The following NACC2 variants were observed in gnomAD, a reference collection of about 807,000 sequenced individuals.
NACC2 encodes the protein NACC family member 2.
A neutral mutation model predicts 25.1 loss-of-function variants in NACC2; 8 were observed. The ratio of observed to expected loss-of-function variants is 0.32; its 90% confidence interval spans 0.19 to 0.57. The LOEUF (loss-of-function observed/expected upper bound fraction) is 0.57. Among genes scored for constraint, NACC2 ranks in the 20% least tolerant of loss-of-function variants. NACC2 has a pLI of 0.89. For missense variants in NACC2, 644 were observed against 650.2 expected (o/e 0.99, Z 0.10); for synonymous variants, 435 against 294.7 (o/e 1.48, Z -4.88).
chr9:136,063,078 T>G (rs576964143), intron 1 of NACC2, among the ~76,000 whole-genome samples: 3 of 152,344 alleles, frequency 2.0e-5, no homozygotes, highest in African/African-American at 7.2e-5. Context: ...TCGTTGTTGT[T>G]GTTGAGCCCT....
At chr9:136,077,061 T>C (rs1588581769) in intron 1 of NACC2, among the ~76,000 whole-genome samples, 1 of 151,786 alleles carries the variant, frequency 6.6e-6, no homozygotes, top group East Asian at 2.0e-4. Flanking sequence ...GCGCCTGTAG[T>C]CCCAGCCACT....
rs754432661 is a variant in NACC2, at chr9:136,011,795, G to A, written c.1485C>T (p.Ile495=). The change falls in exon 6 of 6, where the codon ATC becomes ATT. Residue 495 remains isoleucine (I), a synonymous_variant. Coordinates refer to ENST00000277554, the MANE Select transcript of NACC2 (RefSeq NM_144653.5). ...PAAAQVFEQR[I]YAERRGDAAT... is the part of the protein sequence containing the mutation. ...CGGCGTCGCCCCGCCGCTCGGCGTAGATGCGTTGCTCGAACACCTGTGCCG... is the reference window on the plus strand; with the variant it reads ...CGGCGTCGCCCCGCCGCTCGGCGTAAATGCGTTGCTCGAACACCTGTGCCG... The A allele has an allele frequency of 1.3e-6, 2 of 1,579,144 alleles. No individual in the cohort carries two copies. The highest frequency in any genetic ancestry group is 8.6e-7 in the Non-Finnish European group (1 of 1,163,398).
intron 1 of NACC2, among the ~76,000 whole-genome samples, chr9:136,060,772 G>A (rs1001188996): frequency 2.6e-5 from 4 of 152,218 alleles, no homozygotes; most frequent in African/African-American, 7.2e-5. Flanking sequence ...CCCTGGGCAC[G>A]TCCCCACCAG....
At chr9:136,014,100 T>G in intron 3 of NACC2, 131 bp from the exon 4 acceptor site, 1 of 672,758 alleles carries the variant, frequency 1.5e-6, no homozygotes, top group African/African-American at 1.8e-5. Flanking sequence ...AGGACTTTTT[T>G]TGGGGAGGAG....
rs780003174 is a variant in NACC2, at chr9:136,016,370, C to T, written c.946G>A (p.Asp316Asn). The change falls in exon 3 of 6, where the codon GAC becomes AAC. Residue 316 changes from aspartate (D) to asparagine (N), a missense_variant. Transcript: ENST00000277554. ...AGGCTGGCAGGTAGGGCCACGAGGT[C>T]GCGGCGGATGAGGACGCAGGAGCGG... ...ESRSCVLIRRDLVALPASLIS... is the reference protein window; with the variant it reads ...ESRSCVLIRRNLVALPASLIS... 24 of 1,611,832 alleles carry T rather than the reference C, an allele frequency of 1.5e-5. No homozygotes were observed. Among genetic ancestry groups the T allele is most frequent in the Middle Eastern group, 2.0e-4 (1 of 4,988 alleles).
intron 2 of NACC2, among the ~76,000 whole-genome samples, chr9:136,037,514 T>C (rs1840571890): frequency 7.8e-6 from 1 of 127,414 alleles, no homozygotes; most frequent in Admixed American, 9.0e-5. Flanking sequence ...AAATTTTCAT[T>C]TTTTTTTTTT....
chr9:136,085,973 G>T (rs1830375201), intron 1 of NACC2, among the ~76,000 whole-genome samples: 1 of 151,994 alleles, frequency 6.6e-6, no homozygotes, highest in South Asian at 2.1e-4. Context: ...GCTCTGATGG[G>T]AGGGGTTGGC....
intron 2 of NACC2, among the ~76,000 whole-genome samples, chr9:136,037,911 T>C (rs1840577892): frequency 1.3e-5 from 2 of 152,178 alleles, no homozygotes; most frequent in Non-Finnish European, 2.9e-5. Context: ...CACATGTTTA[T>C]GGCAGCTTAG....
At position 136,007,117 on chromosome 9, in the gene NACC2, G is replaced by C. The variant is rs902466290; in HGVS notation, c.*4399C>G. On this transcript the variant is annotated 3_prime_UTR_variant, in exon 6 of 6. Coordinates refer to ENST00000277554, the MANE Select transcript of NACC2 (RefSeq NM_144653.5). ...TTGTCTGCTAAAAATAGTATTGCAAGTTTTGGCTTCTTTTGACATAAAAAT... is the reference window on the plus strand; with the variant it reads ...TTGTCTGCTAAAAATAGTATTGCAACTTTTGGCTTCTTTTGACATAAAAAT... 1.9e-5 allele frequency: 3 copies of C among 154,280 alleles called. No individual in the cohort carries two copies. The highest frequency in any genetic ancestry group is 7.2e-5 in the African/African-American group (3 of 41,478). 9.6% of individuals were successfully genotyped at this position (154,280 alleles called of 1,614,324 possible). A position where few individuals can be genotyped will look rare whatever the true frequency, so the allele number is the denominator to read the frequency against.
In NACC2 at chr9:136,013,127, C is replaced by A. The variant is rs1450346550; in HGVS notation, c.1255+72G>T. 7.1e-7 allele frequency: 1 copy of A among 1,411,094 alleles called. No individual in the cohort carries two copies. The highest frequency in any genetic ancestry group is 9.9e-7 in the Non-Finnish European group (1 of 1,013,368). 87.4% of individuals were successfully genotyped at this position (1,411,094 alleles called of 1,614,324 possible). A position where few individuals can be genotyped will look rare whatever the true frequency, so the allele number is the denominator to read the frequency against. On this transcript the variant is annotated intron_variant, in intron 5 of 5. Coordinates refer to ENST00000277554, the MANE Select transcript of NACC2 (RefSeq NM_144653.5). This position sits in a 1 kb window ranked among gnomAD's most constrained non-coding sequence, Gnocchi z 6.6. ...TGGCCGGGAGCACCCCCGCGGCCCA[C>A]CCAGTCCTCCTCAGGCTGGGATCTG...
At chr9:136,024,238 TGAGGA>T (rs1327884463) in intron 2 of NACC2, among the ~76,000 whole-genome samples, 3,099 of 28,314 alleles carry the variant, frequency 0.11, 263 homozygotes, top group African/African-American at 0.24. Context: ...AGGGTGTGTG[TGAGGA>T]CAGAGGGTGT....
chr9:136,060,546 TG>T (rs34955493), intron 1 of NACC2, among the ~76,000 whole-genome samples: 6 of 151,930 alleles, frequency 3.9e-5, no homozygotes, highest in African/African-American at 1.5e-4. Context: ...TGGGGCCGGG[TG>T]GGGGGTGCCA....
chr9:136,014,054 GGGGAGGT>G, intron 3 of NACC2, 85 bp from the exon 4 acceptor site: 1 of 684,522 alleles, frequency 1.5e-6, no homozygotes, highest in South Asian at 1.9e-5. Context: ...AGGGGGAGGG[GGGGAGGT>G]GGAGGGGGAG....
intron 2 of NACC2, among the ~76,000 whole-genome samples, chr9:136,035,360 T>C (rs1840535947): frequency 6.6e-6 from 1 of 151,668 alleles, no homozygotes; most frequent in South Asian, 2.1e-4. Context: ...CTGCTGTGAA[T>C]TGCAGCTGAA....
At chr9:136,030,423 C>A (rs1362145138) in intron 2 of NACC2, among the ~76,000 whole-genome samples, 2 of 151,878 alleles carry the variant, frequency 1.3e-5, no homozygotes, top group Non-Finnish European at 2.9e-5. Context: ...TCCCGGTGAA[C>A]ACAGTGAAAC....
In NACC2 at chr9:136,036,122, C is replaced by T. The variant is rs1045414840; in HGVS notation, c.886+13514G>A. ...AAGGATGCCAATTCACAGTGTAGAACGTGCAAAGTGGCAAGAAAAGGACAG... is the reference window on the plus strand; with the variant it reads ...AAGGATGCCAATTCACAGTGTAGAATGTGCAAAGTGGCAAGAAAAGGACAG... On this transcript the variant is annotated intron_variant, in intron 2 of 5. Coordinates refer to ENST00000277554, the MANE Select transcript of NACC2 (RefSeq NM_144653.5). Among the ~76,000 whole-genome samples the T allele has an allele frequency of 2.1e-3, 322 of 152,210 alleles. 1 individual carries two copies. Among genetic ancestry groups the T allele is most frequent in the African/African-American group, 7.2e-3 (299 of 41,544 alleles).
intron 1 of NACC2, among the ~76,000 whole-genome samples, chr9:136,063,560 G>C (rs1841040795): frequency 6.6e-6 from 1 of 152,200 alleles, no homozygotes; most frequent in Admixed American, 6.5e-5. Context: ...TTTCCTACCT[G>C]GGAAGGGTAT....
chr9:136,044,341 C>T (rs1028694763), intron 2 of NACC2, among the ~76,000 whole-genome samples: 2 of 152,132 alleles, frequency 1.3e-5, no homozygotes. Flanking sequence ...ATAGCGAGAC[C>T]CTGTCTCTAT....
chr9:136,094,964 C>A (rs865876101), intron 1 of NACC2, among the ~76,000 whole-genome samples: 102 of 146,436 alleles, frequency 7.0e-4, no homozygotes, highest in African/African-American at 2.2e-3. Flanking sequence ...GACCCCCCGG[C>A]CCCGCCCGGC....
Sources: allele counts gnomAD v4.1 joint callset (sites outside exome capture counted in the v4.1 genomes callset), GRCh38; gene constraint gnomAD v4.1.1; non-coding constraint Gnocchi (gnomAD v3.1); transcripts MANE v1.5; gene names NCBI Gene and HGNC (gene_info 2026-07-23, HGNC 2026-07-21).